Variants in RGL3 observed in about 807,000 individuals in gnomAD.
The protein encoded by RGL3 is ral guanine nucleotide dissociation stimulator-like 3.
In RGL3, 85 loss-of-function variants were observed where a neutral mutation model predicts 90.6. That is an observed-to-expected ratio of 0.94 (90% CI 0.79 to 1.12). RGL3 has a LOEUF of 1.12. RGL3 is among the 50% of genes most tolerant of loss of function. The probability of loss-of-function intolerance (pLI) is 0.00; values close to 1 mark genes in which losing one functional copy is unlikely to be tolerated. For missense variants in RGL3, 1,034 were observed against 939.2 expected (o/e 1.10, Z -1.32); for synonymous variants, 408 against 385.5 (o/e 1.06, Z -0.68).
chr19:11,418,535 G>T (rs1303519532), intron 2 of RGL3, 136 bp downstream of exon 2: 2 of 609,812 alleles, frequency 3.3e-6, no homozygotes, highest in Non-Finnish European at 5.5e-6. Context: ...CTTTCTACCT[G>T]GTCGCCTCAT....
intron 9 of RGL3, 129 bp from the exon 10 acceptor site, chr19:11,402,835 C>G (rs1426094618): frequency 1.3e-6 from 1 of 747,032 alleles, no homozygotes; most frequent in African/African-American, 1.8e-5. Flanking sequence ...AGGCCAGGTG[C>G]GATGGCTCAC....
intron 1 of RGL3, 114 bp from the exon 2 acceptor site, chr19:11,418,898 C>A: frequency 1.2e-6 from 1 of 834,888 alleles, no homozygotes; most frequent in Non-Finnish European, 1.8e-6. Flanking sequence ...CGCCCCTTCC[C>A]GGCCAGAAGC....
rs760059667 is a variant in RGL3, at chr19:11,397,331, C to A, written c.1927G>T (p.Val643Leu). Residue 643 changes from valine (V) to leucine (L), a missense_variant, in exon 18 of 19, where the codon GTG becomes TTG. By Grantham distance (32) the Val-to-Leu change is conservative (BLOSUM62 1). Coordinates refer to ENST00000380456, the MANE Select transcript of RGL3 (RefSeq NM_001035223.4). ...TGCTTCTGCAAGGCTCGCCGGACCA[C>A]GCTGGGGGCTTTGTCCTGACTGGTC... ...LLTSQDKAPS[V>L]VRRALQKHNV... The A allele has an allele frequency of 4.4e-6, 7 of 1,608,226 alleles. No individual in the cohort carries two copies. The South Asian group carries it at 5.6e-5, about 13-fold the overall frequency.
intron 2 of RGL3, 48 bp from the exon 3 acceptor site, chr19:11,417,107 A>C: frequency 7.2e-7 from 1 of 1,386,264 alleles, no homozygotes; most frequent in Non-Finnish European, 9.8e-7. Context: ...TGGTCCTCAC[A>C]GCACCCCTTC....
chr19:11,406,525 T>A lies in RGL3; in HGVS notation c.890A>T (p.Gln297Leu), dbSNP rs1968783574. 1 of 1,550,902 alleles carries A rather than the reference T, an allele frequency of 6.4e-7. No homozygotes were observed. The highest frequency in any genetic ancestry group is 8.7e-7 in the Non-Finnish European group (1 of 1,148,794). ...CACACAGCCGGTCACGGTGTTGAAC[T>A]GGGCCACGGTGGCGCGCACAGTGGG... ...ASPTVRATVA[Q>L]FNTVTGCVLG... The change falls in exon 7 of 19, where the codon CAG (glutamine) becomes CTG (leucine). Residue 297 changes from glutamine to leucine, a missense_variant. Transcript: ENST00000380456.
At chr19:11,410,511 A>T (rs1968856297) in intron 5 of RGL3, among the ~76,000 whole-genome samples, 1 of 151,690 alleles carries the variant, frequency 6.6e-6, no homozygotes, top group Non-Finnish European at 1.5e-5. Context: ...GTGAGACCCC[A>T]TGTCTACATA....
At chr19:11,407,688 CT>C (rs773809188) in intron 5 of RGL3, among the ~76,000 whole-genome samples, 5,328 of 137,708 alleles carry the variant, frequency 0.039, 298 homozygotes, top group African/African-American at 0.12. Context: ...CTCTCTGTGC[CT>C]TTTTTTTTTT....
At position 11,406,302 on chromosome 19, in the gene RGL3, C is replaced by T. The variant is rs3810311; in HGVS notation, c.996+117G>A. ...ACCCAAGTCTCACCCTAGGTATCAA[C>T]TTTCCACCCCGTTCCCTCCCTCGCC... On this transcript the variant is annotated intron_variant, in intron 7 of 18. Coordinates refer to ENST00000380456, the MANE Select transcript of RGL3 (RefSeq NM_001035223.4). The T allele has an allele frequency of 1.3e-4, 135 of 1,075,828 alleles. No individual in the cohort carries two copies. In the African/African-American group the frequency reaches 2.0e-3, roughly 16 times the overall value. The allele number at this position is 1,075,828 out of a possible 1,614,324, so 66.6% of individuals were successfully genotyped here. A position where few individuals can be genotyped will look rare whatever the true frequency, so the allele number is the denominator to read the frequency against.
rs1385497638 is a variant in RGL3, at chr19:11,397,329, C to T, written c.1929G>A (p.Val643=). 1.2e-6 allele frequency: 2 copies of T among 1,608,300 alleles called. No homozygotes were observed. Among genetic ancestry groups the T allele is most frequent in the African/African-American group, 2.7e-5 (2 of 74,882 alleles). The change falls in exon 18 of 19, where the codon GTG becomes GTA. Residue 643 remains valine (V), a synonymous_variant. Coordinates refer to ENST00000380456, the MANE Select transcript of RGL3 (RefSeq NM_001035223.4). ...LLTSQDKAPS[V]VRRALQKHNV... ...TGTGCTTCTGCAAGGCTCGCCGGAC[C>T]ACGCTGGGGGCTTTGTCCTGACTGG...
At chr19:11,414,169 A>T (rs1390405300) in intron 5 of RGL3, among the ~76,000 whole-genome samples, 2 of 114,894 alleles carry the variant, frequency 1.7e-5, no homozygotes, top group African/African-American at 7.3e-5. Context: ...ATATATATAT[A>T]TATATATACA....
At position 11,406,515 on chromosome 19, in the gene RGL3, G is replaced by C; in HGVS notation, c.900C>G (p.Thr300=). 1 of 1,553,658 alleles carries C rather than the reference G, an allele frequency of 6.4e-7. No individual in the cohort carries two copies. Among genetic ancestry groups the C allele is most frequent in the South Asian group, 1.2e-5 (1 of 84,594 alleles). ...CGGAACCCAGCACACAGCCGGTCAC[G>C]GTGTTGAACTGGGCCACGGTGGCGC... The part of the protein sequence containing the change: ...TVRATVAQFN[T]VTGCVLGSVL... The change falls in exon 7 of 19, where the codon ACC becomes ACG. Residue 300 remains threonine (T), a synonymous_variant. Coordinates refer to ENST00000380456, the MANE Select transcript of RGL3 (RefSeq NM_001035223.4).
At chr19:11,396,156 ATATTTTTTTTTTTT>A (rs1271540489) in intron 18 of RGL3, among the ~76,000 whole-genome samples, 12 of 51,350 alleles carry the variant, frequency 2.3e-4, no homozygotes, top group African/African-American at 1.1e-3. Flanking sequence ...ATATATATAT[ATATTTTTTTTTTTT>A]TTTTTTTTTT....
Position 11,406,492 on chromosome 19 carries a change from G to T in RGL3, c.923C>A (p.Ser308Tyr). 6.4e-7 allele frequency: 1 copy of T among 1,555,208 alleles called. No homozygotes were observed. Among genetic ancestry groups the T allele is most frequent in the South Asian group, 1.2e-5 (1 of 84,790 alleles). Residue 308 changes from serine to tyrosine, a missense_variant, in exon 7 of 19, where the codon TCC (serine) becomes TAC (tyrosine). Coordinates refer to ENST00000380456, the MANE Select transcript of RGL3 (RefSeq NM_001035223.4). ...FNTVTGCVLGSVLGAPGLAAP... is the reference protein window; with the variant it reads ...FNTVTGCVLGYVLGAPGLAAP... Reference sequence around the variant, plus strand: ...GGCCAAGCCCGGTGCTCCGAGCACGGAACCCAGCACACAGCCGGTCACGGT... The same window carrying T: ...GGCCAAGCCCGGTGCTCCGAGCACGTAACCCAGCACACAGCCGGTCACGGT...
rs764428524 is a variant in RGL3, at chr19:11,406,832, C to T, written c.670G>A (p.Asp224Asn). ...PPRVAQTSDP[D>N]SSEACAEEEE... ...TCCTCCGCGCAGGCCTCTGAAGAGT[C>T]TGGGTCAGAAGTTTGGGCAACTCTG... The change falls in exon 6 of 19, where the codon GAC (aspartate) becomes AAC (asparagine). Residue 224 changes from aspartate to asparagine, a missense_variant. Transcript: ENST00000380456. 1.3e-6 allele frequency: 2 copies of T among 1,593,584 alleles called. No individual in the cohort carries two copies. Among genetic ancestry groups the T allele is most frequent in the Admixed American group, 1.7e-5 (1 of 59,836 alleles).
chr19:11,395,920 C>G (rs1227632886), intron 18 of RGL3, among the ~76,000 whole-genome samples: 1 of 147,310 alleles, frequency 6.8e-6, no homozygotes, highest in East Asian at 2.0e-4. Flanking sequence ...AGCCACCATG[C>G]CCGGCCCCCT....
chr19:11,401,762 G>A (rs1474113397), intron 13 of RGL3, among the ~76,000 whole-genome samples: 2 of 152,002 alleles, frequency 1.3e-5, no homozygotes, highest in East Asian at 1.9e-4. Flanking sequence ...GCCCAGGCTG[G>A]TCTCGAAATC....
rs1369882164 is a variant in RGL3 at position 11,397,581 on chromosome 19, TC to T, written c.1762del (p.Asp588ThrfsTer47). 6.4e-6 allele frequency: 10 copies of T among 1,571,334 alleles called. No individual in the cohort carries two copies. The Admixed American group carries it at 1.9e-4, about 30-fold the overall frequency. On this transcript the variant is annotated frameshift_variant, in exon 17 of 19. Coordinates refer to ENST00000380456, the MANE Select transcript of RGL3 (RefSeq NM_001035223.4). LOFTEE classifies it high-confidence loss of function. ...AGCGAAGGGCCGGGGGCTGGGCAGG[TC>T]CAGGCTCAGGGGCAGCTGCAGGCAG... ...GPSTKLPLSL[D>X]LPSPRPFALP...
chr19:11,409,902 C>T (rs1460011132), intron 5 of RGL3, among the ~76,000 whole-genome samples: 1 of 151,974 alleles, frequency 6.6e-6, no homozygotes, highest in African/African-American at 2.4e-5. Flanking sequence ...CACTTTCCTT[C>T]TCCTTTGTAC....
chr19:11,407,773 G>A (rs1407237914), intron 5 of RGL3, among the ~76,000 whole-genome samples: 1 of 149,716 alleles, frequency 6.7e-6, no homozygotes, highest in Non-Finnish European at 1.5e-5. Context: ...TGCAACCTCC[G>A]CCTCCAGGTT....
Sources: allele counts gnomAD v4.1 joint callset (sites outside exome capture counted in the v4.1 genomes callset), GRCh38; gene constraint gnomAD v4.1.1; transcripts MANE v1.5; gene names NCBI Gene and HGNC (gene_info 2026-07-23, HGNC 2026-07-21).